Variants in SLC9A9 observed in about 807,000 individuals in gnomAD.
SLC9A9 encodes sodium/hydrogen exchanger 9.
A neutral mutation model predicts 77.8 loss-of-function variants in SLC9A9; 62 were observed. That is an observed-to-expected ratio of 0.80 (90% CI 0.65 to 0.98). The LOEUF is 0.98. SLC9A9 is among the 50% of genes least tolerant of loss of function. The pLI is 0.00. For synonymous variants in SLC9A9, 320 were observed against 283.5 expected (o/e 1.13, Z -1.29); for missense variants, 775 against 774.9 (o/e 1.00, Z 0.00).
At chr3:143,595,042 A>G (rs1156698967) in intron 6 of SLC9A9, among the ~76,000 whole-genome samples, 2 of 152,218 alleles carry the variant, frequency 1.3e-5, no homozygotes, top group African/African-American at 4.8e-5. Flanking sequence ...ATACCACCAA[A>G]GCAGACTGGA....
chr3:143,838,537 G>A (rs555072078), intron 1 of SLC9A9, among the ~76,000 whole-genome samples: 1 of 152,138 alleles, frequency 6.6e-6, no homozygotes, highest in African/African-American at 2.4e-5. Flanking sequence ...ATTATTTGAA[G>A]ACAGAAAAGA....
chr3:143,702,392 T>C (rs1034042930), intron 4 of SLC9A9, among the ~76,000 whole-genome samples: 7 of 151,956 alleles, frequency 4.6e-5, no homozygotes, highest in Non-Finnish European at 1.0e-4. Flanking sequence ...ATACACAAAT[T>C]GAAAAAACAA....
chr3:143,503,902 G>A (rs190034796), intron 9 of SLC9A9: 3 of 370,696 alleles, frequency 8.1e-6, no homozygotes, highest in African/African-American at 2.1e-5. Context: ...CATCAGAGGA[G>A]GGGGCAGAGA....
At chr3:143,408,979 G>A (rs371451596) in intron 12 of SLC9A9, among the ~76,000 whole-genome samples, 76 of 152,286 alleles carry the variant, frequency 5.0e-4, no homozygotes, top group African/African-American at 1.5e-3. Context: ...AACCCCTGCC[G>A]GGACCGCATT....
chr3:143,840,437 A>G (rs1200887580), intron 1 of SLC9A9, among the ~76,000 whole-genome samples: 5 of 152,170 alleles, frequency 3.3e-5, no homozygotes, highest in Admixed American at 3.3e-4. Context: ...ATATAAATTC[A>G]CAGTCCCTTC....
At chr3:143,810,180 A>G (rs1296729214) in intron 2 of SLC9A9, among the ~76,000 whole-genome samples, 1 of 152,242 alleles carries the variant, frequency 6.6e-6, no homozygotes, top group Non-Finnish European at 1.5e-5. Flanking sequence ...AATGGCCCAG[A>G]CATATATTTA....
intron 4 of SLC9A9, among the ~76,000 whole-genome samples, chr3:143,700,499 G>A (rs917989967): frequency 6.6e-6 from 1 of 152,124 alleles, no homozygotes; most frequent in African/African-American, 2.4e-5. Flanking sequence ...AGAGAGCTTG[G>A]GCCTTAAGGG....
At chr3:143,413,713 C>T (rs565115874) in intron 12 of SLC9A9, among the ~76,000 whole-genome samples, 31 of 152,210 alleles carry the variant, frequency 2.0e-4, no homozygotes, top group African/African-American at 5.3e-4. Flanking sequence ...TCTCACTGTA[C>T]CATTTTCTTG....
At chr3:143,429,857 C>A (rs2108534977) in intron 12 of SLC9A9, among the ~76,000 whole-genome samples, 1 of 152,330 alleles carries the variant, frequency 6.6e-6, no homozygotes, top group East Asian at 1.9e-4. Flanking sequence ...AAGTTGTGTT[C>A]TCTCACTTGG....
chr3:143,694,134 A>C (rs1218391922), intron 4 of SLC9A9, among the ~76,000 whole-genome samples: 2 of 152,158 alleles, frequency 1.3e-5, no homozygotes, highest in Non-Finnish European at 2.9e-5. Context: ...TAGACCATCA[A>C]ACCAATAGAT....
intron 2 of SLC9A9, among the ~76,000 whole-genome samples, chr3:143,814,268 G>C (rs979633167): frequency 6.6e-5 from 10 of 152,186 alleles, no homozygotes; most frequent in Non-Finnish European, 1.5e-5. Flanking sequence ...ACGTCACTCA[G>C]AAATATGTGC....
At chr3:143,528,779 T>A (rs1422455216) in intron 9 of SLC9A9, among the ~76,000 whole-genome samples, 1 of 148,486 alleles carries the variant, frequency 6.7e-6, no homozygotes. Flanking sequence ...TGCCTGGGTA[T>A]TTTTGTCCTT....
intron 14 of SLC9A9, among the ~76,000 whole-genome samples, chr3:143,322,108 T>A (rs1376240343): frequency 6.6e-6 from 1 of 152,250 alleles, no homozygotes; most frequent in Non-Finnish European, 1.5e-5. Context: ...TTTCTTTTTT[T>A]AGATAATTCG....
intron 4 of SLC9A9, among the ~76,000 whole-genome samples, chr3:143,721,221 G>T (rs1934490356): frequency 6.6e-6 from 1 of 152,088 alleles, no homozygotes; most frequent in Non-Finnish European, 1.5e-5. Flanking sequence ...ACATTACCAG[G>T]TATAATCTTT....
At chr3:143,782,971 G>C (rs1237552169) in intron 4 of SLC9A9, among the ~76,000 whole-genome samples, 1 of 152,122 alleles carries the variant, frequency 6.6e-6, no homozygotes, top group Non-Finnish European at 1.5e-5. Context: ...GCCATATTCT[G>C]TCAGTTCCAT....
At chr3:143,636,798 C>T (rs1023022106) in intron 6 of SLC9A9, among the ~76,000 whole-genome samples, 1 of 152,168 alleles carries the variant, frequency 6.6e-6, no homozygotes, top group African/African-American at 2.4e-5. Context: ...GTGAGCCTGA[C>T]AACATGCAGA....
intron 14 of SLC9A9, among the ~76,000 whole-genome samples, chr3:143,359,606 A>C (rs908174475): frequency 6.6e-6 from 1 of 152,134 alleles, no homozygotes; most frequent in African/African-American, 2.4e-5. Context: ...CCGAGGGGAA[A>C]GAGTAGGATA....
chr3:143,813,728 C>T lies in SLC9A9; in HGVS notation c.379-16825G>A, dbSNP rs574098288. Among the ~76,000 whole-genome samples, 17 of 152,298 alleles carry T rather than the reference C, an allele frequency of 1.1e-4. No homozygotes were observed. The East Asian group carries it at 2.9e-3, about 26-fold the overall frequency. Reference sequence around the variant, plus strand: ...TCTGATTCCTGTATCTATTTATCCGCTGGCTACAACATGAGGTAGGCAAAA... The same window carrying T: ...TCTGATTCCTGTATCTATTTATCCGTTGGCTACAACATGAGGTAGGCAAAA... On this transcript the variant is annotated intron_variant, in intron 2 of 15. Transcript: ENST00000316549.
chr3:143,426,109 C>A (rs2034400567), intron 12 of SLC9A9, among the ~76,000 whole-genome samples: 2 of 152,072 alleles, frequency 1.3e-5, no homozygotes, highest in African/African-American at 4.8e-5. Flanking sequence ...CGTTAAGTGC[C>A]CAAGAATCAA....
Sources: gnomAD v4.1 joint callset for allele counts (sites outside exome capture counted in the v4.1 genomes callset) on GRCh38, gnomAD v4.1.1 for gene constraint, MANE v1.5 for transcripts, NCBI Gene and HGNC (gene_info 2026-07-23, HGNC 2026-07-21) for gene names.